The following STARD9 variants were observed in gnomAD, a reference collection of about 807,000 sequenced individuals.
The protein encoded by STARD9 is stAR-related lipid transfer protein 9.
Under a neutral mutation model 399.8 loss-of-function variants are expected in STARD9, and 346 were observed. The observed-to-expected ratio is 0.87, with a 90% CI of 0.79 to 0.95. STARD9 has a LOEUF of 0.95. Among genes scored for constraint, STARD9 ranks in the 40% least tolerant of loss-of-function variants. The pLI, the probability that STARD9 is intolerant of heterozygous loss-of-function variation, is 0.00. For missense variants in STARD9, 5,832 were observed against 5,667.5 expected, an observed-to-expected ratio of 1.03 and a Z score of -0.93; for synonymous variants, 2,203 against 2,143.5, an observed-to-expected ratio of 1.03 and a Z score of -0.77.
chr15:42,602,962 G>C (rs1566866423), intron 3 of STARD9, among the ~76,000 whole-genome samples: 1 of 152,172 alleles, frequency 6.6e-6, no homozygotes, highest in Non-Finnish European at 1.5e-5. Flanking sequence ...CCTGCCTCTA[G>C]ACCCTATTCT....
Position 42,692,115 on chromosome 15 carries a change from AGCATGGACAATG to A in STARD9, c.10540_10551del (p.Met3514_Gly3517del). ...ACTATCAAATGTGGCCCGGTGCTCC[AGCATGGACAATG>A]GCCTAGAAGACCAGAACTCCCCTTT... On this transcript the variant is annotated inframe_deletion, in exon 23 of 33. Transcript: ENST00000290607. 6.5e-7 allele frequency: 1 copy of A among 1,537,228 alleles called. No individual in the cohort carries two copies. The highest frequency in any genetic ancestry group is 1.2e-5 in the South Asian group (1 of 84,058).
At chr15:42,604,626 ATTTTTTTTTT>A (rs11349330) in intron 3 of STARD9, among the ~76,000 whole-genome samples, 69 of 54,754 alleles carry the variant, frequency 1.3e-3, no homozygotes, top group African/African-American at 3.6e-3. Flanking sequence ...GATCAAATTG[ATTTTTTTTTT>A]TTTTTTTTTT....
chr15:42,605,115 A>C (rs2141773899), intron 3 of STARD9, among the ~76,000 whole-genome samples: 1 of 152,274 alleles, frequency 6.6e-6, no homozygotes, highest in African/African-American at 2.4e-5. Context: ...ACTAGTCCTA[A>C]CATGGAGCTC....
chr15:42,627,640 G>A (rs1466557389), intron 3 of STARD9, among the ~76,000 whole-genome samples: 1 of 151,970 alleles, frequency 6.6e-6, no homozygotes, highest in Non-Finnish European at 1.5e-5. Flanking sequence ...TCTACTCTCT[G>A]TTTTCATGAG....
At chr15:42,669,617 C>T in intron 16 of STARD9, 1 of 294,612 alleles carries the variant, frequency 3.4e-6, no homozygotes, top group Middle Eastern at 1.0e-3. Flanking sequence ...GCCTTAATTT[C>T]CTCATTTTAA....
At chr15:42,718,582 T>C in intron 31 of STARD9, 68 bp downstream of exon 31, 3 of 1,482,158 alleles carry the variant, frequency 2.0e-6, no homozygotes, top group Non-Finnish European at 2.7e-6. Context: ...AAACAATCTA[T>C]GTGGGCCTCA....
chr15:42,711,792 T>G (rs2061229025), intron 26 of STARD9, among the ~76,000 whole-genome samples: 1 of 151,746 alleles, frequency 6.6e-6, no homozygotes, highest in Non-Finnish European at 1.5e-5. Context: ...TGAACATCCC[T>G]GTAAAGCTTT....
intron 3 of STARD9, among the ~76,000 whole-genome samples, chr15:42,631,900 A>G (rs1390149341): frequency 6.6e-6 from 1 of 152,104 alleles, no homozygotes; most frequent in Non-Finnish European, 1.5e-5. Flanking sequence ...GCTGAGGAGA[A>G]GAATGTGTAT....
At chr15:42,705,834 C>A (rs2061064872) in intron 26 of STARD9, among the ~76,000 whole-genome samples, 1 of 152,120 alleles carries the variant, frequency 6.6e-6, no homozygotes, top group Non-Finnish European at 1.5e-5. Flanking sequence ...CTTACTGCAA[C>A]CTCCACCTCC....
At position 42,720,076 on chromosome 15, in the gene STARD9, A is replaced by G. The variant is rs9269; in HGVS notation, c.*502A>G. 0.26 allele frequency: 40,350 copies of G among 153,036 alleles called. 6,133 individuals carry two copies. Among genetic ancestry groups the G allele is most frequent in the African/African-American group, 0.41 (16,857 of 41,564 alleles). 9.5% of individuals were successfully genotyped at this position (153,036 alleles called of 1,614,324 possible). On this transcript the variant is annotated 3_prime_UTR_variant, in exon 33 of 33. Coordinates refer to ENST00000290607, the MANE Select transcript of STARD9 (RefSeq NM_020759.3). Reference sequence around the variant, plus strand: ...ATACCAAAACAGAAAGAGGGTTTAAAAAACAGCTGCACAAACCAGAACACC... The same window carrying G: ...ATACCAAAACAGAAAGAGGGTTTAAGAAACAGCTGCACAAACCAGAACACC...
rs2060605270 is a variant in STARD9, at chr15:42,688,087, C to T, written c.6509C>T (p.Pro2170Leu). 3 of 1,537,330 alleles carry T rather than the reference C, an allele frequency of 2.0e-6. No homozygotes were observed. The highest frequency in any genetic ancestry group is 2.0e-5 in the Admixed American group (1 of 50,990). Residue 2170 changes from proline to leucine, a missense_variant, in exon 23 of 33, where the codon CCA (proline) becomes CTA (leucine). Physicochemically the swap from Pro to Leu is moderately conservative, Grantham distance 98 (BLOSUM62 -3). Coordinates refer to ENST00000290607, the MANE Select transcript of STARD9 (RefSeq NM_020759.3). ...GAACCTGTGAGAGAGCACACCCACC[C>T]AGCTGGATCGGACAGACCTGCCAGG... ...ESEPVREHTHPAGSDRPARDI... is the reference protein window; with the variant it reads ...ESEPVREHTHLAGSDRPARDI...
intron 3 of STARD9, among the ~76,000 whole-genome samples, chr15:42,586,357 C>T (rs1369301986): frequency 6.6e-6 from 1 of 152,190 alleles, no homozygotes; most frequent in East Asian, 1.9e-4. Flanking sequence ...CAAGGCTTTG[C>T]CAGCTGAGCC....
Position 42,719,584 on chromosome 15 carries a change from G to C in STARD9, c.*10G>C, listed in dbSNP as rs751191269. On this transcript the variant is annotated 3_prime_UTR_variant, in exon 33 of 33. Coordinates refer to ENST00000290607, the MANE Select transcript of STARD9 (RefSeq NM_020759.3). Reference sequence around the variant, plus strand: ...CTTCCTTGGTAGGTAGCATCTCACCGTCAAGATGGTGCTGCTGAGATGCAG... The same window carrying C: ...CTTCCTTGGTAGGTAGCATCTCACCCTCAAGATGGTGCTGCTGAGATGCAG... 273 of 1,501,398 alleles carry C rather than the reference G, an allele frequency of 1.8e-4. No individual in the cohort carries two copies. The highest frequency in any genetic ancestry group is 5.5e-4 in the Admixed American group (28 of 50,868). The allele number at this position is 1,501,398 out of a possible 1,614,324, so 93.0% of individuals were successfully genotyped here. A position where few individuals can be genotyped will look rare whatever the true frequency, so the allele number is the denominator to read the frequency against.
chr15:42,607,510 G>T (rs1412502015), intron 3 of STARD9, among the ~76,000 whole-genome samples: 1 of 151,616 alleles, frequency 6.6e-6, no homozygotes, highest in African/African-American at 2.4e-5. Context: ...CCCTCCTGAT[G>T]CCTCTTTTTC....
At chr15:42,631,384 C>T (rs1222474510) in intron 3 of STARD9, among the ~76,000 whole-genome samples, 1 of 151,988 alleles carries the variant, frequency 6.6e-6, no homozygotes, top group African/African-American at 2.4e-5. Flanking sequence ...GAGTTCAAGA[C>T]CAGCCTGGGA....
intron 15 of STARD9, among the ~76,000 whole-genome samples, chr15:42,667,742 G>A (rs949195420): frequency 3.3e-5 from 5 of 152,094 alleles, no homozygotes; most frequent in Non-Finnish European, 7.4e-5. Flanking sequence ...GCCTCCCAAA[G>A]TGCTGGGATT....
At position 42,665,383 on chromosome 15, in the gene STARD9, C is replaced by T. The variant is rs2060077156; in HGVS notation, c.1254+53C>T. 5 of 1,420,838 alleles carry T rather than the reference C, an allele frequency of 3.5e-6. No homozygotes were observed. The African/African-American group carries it at 5.7e-5, about 16-fold the overall frequency. The allele number at this position is 1,420,838 out of a possible 1,614,324, so 88.0% of individuals were successfully genotyped here. ...ACTTAAGTGAAATTCTCCTTCTGAG[C>T]CTCTTTTCTTCTCCATAGAGTCTGG... On this transcript the variant is annotated intron_variant, in intron 14 of 32. Coordinates refer to ENST00000290607, the MANE Select transcript of STARD9 (RefSeq NM_020759.3).
intron 16 of STARD9, chr15:42,672,931 C>T (rs1218093909): frequency 6.6e-6 from 1 of 151,970 alleles, no homozygotes; most frequent in Non-Finnish European, 1.5e-5. Context: ...AACCCTGTCT[C>T]TACTAAAAAT....
intron 3 of STARD9, among the ~76,000 whole-genome samples, chr15:42,616,892 A>G (rs886263819): frequency 1.7e-4 from 24 of 141,436 alleles, no homozygotes; most frequent in Non-Finnish European, 2.9e-4. Context: ...CTTCCTCTCA[A>G]AAAAAAAAAA....
Sources: allele counts gnomAD v4.1 joint callset (sites outside exome capture counted in the v4.1 genomes callset), GRCh38; gene constraint gnomAD v4.1.1; transcripts MANE v1.5; gene names NCBI Gene and HGNC (gene_info 2026-07-23, HGNC 2026-07-21).